The following AP3S2 variants were observed in gnomAD, a reference collection of about 807,000 sequenced individuals.
AP3S2 encodes the protein adaptor related protein complex 3 subunit sigma 2.
AP3S2 carries 22 observed loss-of-function variants against 23.4 expected under a neutral mutation model. The observed-to-expected ratio is 0.94, with a 90% confidence interval of 0.67 to 1.34. The LOEUF is 1.34. Among genes scored for constraint, AP3S2 ranks in the 40% most tolerant of loss-of-function variants. AP3S2 has a pLI of 0.00. For missense variants in AP3S2, 241 were observed against 236.9 expected (o/e 1.02, Z -0.11); for synonymous variants, 86 against 87.1 (o/e 0.99, Z 0.07).
intron 4 of AP3S2, among the ~76,000 whole-genome samples, chr15:89,863,409 GAACA>G (rs967430611): frequency 6.6e-6 from 1 of 152,124 alleles, no homozygotes; most frequent in African/African-American, 2.4e-5. Flanking sequence ...AGACACAGAA[GAACA>G]AACACTAAGG....
chr15:89,874,773 C>A (rs1258608544), intron 3 of AP3S2, among the ~76,000 whole-genome samples: 1 of 151,972 alleles, frequency 6.6e-6, no homozygotes, highest in Admixed American at 6.6e-5. Context: ...CATACCAAGA[C>A]CTTGTCTCTA....
intron 1 of AP3S2, 24 bp downstream of exon 1, chr15:89,893,857 G>A (rs1378124090): frequency 1.4e-5 from 21 of 1,551,358 alleles, no homozygotes; most frequent in Non-Finnish European, 1.7e-5. Context: ...CTGAAGGGGC[G>A]TGGTGAAGCC....
rs530979846 is a variant in AP3S2 at position 89,844,615 on chromosome 15, T to C, written c.346-6893A>G. ...CCTCCCGCCTCAGCCTTCCAAAGCA[T>C]TGGGATTACAGGTGTGAGCCAATGT... On this transcript the variant is annotated intron_variant, in intron 4 of 5. Coordinates refer to ENST00000336418, the MANE Select transcript of AP3S2 (RefSeq NM_005829.5). Among the ~76,000 whole-genome samples, 13 of 151,856 alleles carry C rather than the reference T, an allele frequency of 8.6e-5. No individual in the cohort carries two copies. In the East Asian group the frequency reaches 1.8e-3, roughly 20 times the overall value.
intron 4 of AP3S2, among the ~76,000 whole-genome samples, chr15:89,848,299 G>GA (rs1296976798): frequency 6.6e-6 from 1 of 152,216 alleles, no homozygotes; most frequent in Non-Finnish European, 1.5e-5. Flanking sequence ...CTCAAGTTTT[G>GA]AAAAAGAATT....
rs777614969 is a variant in AP3S2, at chr15:89,889,129, A to C, written c.81T>G (p.Ile27Met). The C allele has an allele frequency of 1.9e-6, 3 of 1,614,166 alleles. 1 individual carries two copies. The highest frequency in any genetic ancestry group is 2.5e-6 in the Non-Finnish European group (3 of 1,180,030). ...VRFYQRFPEEIQQQIVRETFH... is the reference protein window; with the variant it reads ...VRFYQRFPEEMQQQIVRETFH... The stretch of plus-strand genomic sequence containing the variant: ...AAGTCTCTCGAACAATCTGCTGTTG[A>C]ATTTCTTCTGGCTATGAAACAAAAA... The change falls in exon 2 of 6, where the codon ATT becomes ATG. Residue 27 changes from isoleucine to methionine, a missense_variant. By Grantham distance (10) the Ile-to-Met change is conservative (BLOSUM62 1). Transcript: ENST00000336418.
intron 4 of AP3S2, among the ~76,000 whole-genome samples, chr15:89,859,434 C>G (rs1895956810): frequency 7.9e-6 from 1 of 125,844 alleles, no homozygotes; most frequent in Non-Finnish European, 1.6e-5. Flanking sequence ...TGCTCTGTCG[C>G]CCAGGCTGGT....
intron 4 of AP3S2, chr15:89,865,400 G>A (rs1393998727): frequency 6.6e-6 from 1 of 152,036 alleles, no homozygotes; most frequent in Non-Finnish European, 1.5e-5. Context: ...TTCTCGAAGG[G>A]GAAAGAACTG....
Position 89,843,087 on chromosome 15 carries a change from C to T in AP3S2, c.346-5365G>A, listed in dbSNP as rs567298447. Among the ~76,000 whole-genome samples, 17 of 136,898 alleles carry T rather than the reference C, an allele frequency of 1.2e-4. No homozygotes were observed. The South Asian group carries it at 2.5e-3, about 20-fold the overall frequency. 89.8% of individuals were successfully genotyped at this position (136,898 alleles called of 152,430 possible). A position where few individuals can be genotyped will look rare whatever the true frequency, so the allele number is the denominator to read the frequency against. ...ACAACCTCTGCCTCCCCGGTTCAAG[C>T]GATTCTCTTGCTTCAGCCTCCTGAG... On this transcript the variant is annotated intron_variant, in intron 4 of 5. Transcript: ENST00000336418.
chr15:89,890,742 T>A (rs1896801092), intron 1 of AP3S2, among the ~76,000 whole-genome samples: 1 of 152,228 alleles, frequency 6.6e-6, no homozygotes, highest in South Asian at 2.1e-4. Flanking sequence ...CAAGTAATTT[T>A]AATCCCTTTC....
At chr15:89,880,429 G>T (rs1015010263) in intron 3 of AP3S2, among the ~76,000 whole-genome samples, 4 of 152,088 alleles carry the variant, frequency 2.6e-5, no homozygotes, top group African/African-American at 9.7e-5. Flanking sequence ...AGTGGCTCAC[G>T]CCTGTAATCC....
chr15:89,888,663 A>G, intron 2 of AP3S2, 31 bp from the exon 3 acceptor site: 1 of 1,599,396 alleles, frequency 6.3e-7, no homozygotes, highest in Non-Finnish European at 8.6e-7. Flanking sequence ...TTAAATGCCC[A>G]CAGCTTAATT....
At chr15:89,873,286 CTT>C (rs71461825) in intron 3 of AP3S2, among the ~76,000 whole-genome samples, 22 of 134,496 alleles carry the variant, frequency 1.6e-4, no homozygotes, top group Admixed American at 1.5e-4. Flanking sequence ...TGTCTGTCTT[CTT>C]TTTTTTTTTT....
intron 4 of AP3S2, among the ~76,000 whole-genome samples, chr15:89,858,930 A>G (rs1295112142): frequency 6.6e-6 from 1 of 152,232 alleles, no homozygotes; most frequent in African/African-American, 2.4e-5. Context: ...GCACTGAGGC[A>G]ATCCAAAGTT....
At chr15:89,866,487 CTTT>C in intron 4 of AP3S2, among the ~76,000 whole-genome samples, 1 of 138,236 alleles carries the variant, frequency 7.2e-6, no homozygotes, top group African/African-American at 2.6e-5. Context: ...AGACAACTTC[CTTT>C]TTTTTTTTTT....
intron 4 of AP3S2, 177 bp from the exon 5 acceptor site, chr15:89,837,899 G>A (rs545325141): frequency 1.6e-6 from 1 of 623,228 alleles, no homozygotes. Flanking sequence ...CCAGGTCTTG[G>A]CACATGGCAA....
chr15:89,851,802 AT>A (rs145945462), intron 4 of AP3S2, among the ~76,000 whole-genome samples: 129 of 148,958 alleles, frequency 8.7e-4, no homozygotes, highest in Middle Eastern at 3.5e-3. Context: ...CCGTGAAATC[AT>A]TTTTTTTTTT....
intron 3 of AP3S2, among the ~76,000 whole-genome samples, chr15:89,884,299 T>C (rs1896641864): frequency 6.6e-6 from 1 of 152,176 alleles, no homozygotes; most frequent in Non-Finnish European, 1.5e-5. Context: ...ACTTGCATTC[T>C]TGGGATAAAT....
chr15:89,872,125 A>G (rs1024266962), intron 3 of AP3S2, among the ~76,000 whole-genome samples: 10 of 151,730 alleles, frequency 6.6e-5, no homozygotes, highest in Non-Finnish European at 1.0e-4. Context: ...TCAAAAAAAA[A>G]AAAAGAAAAA....
At chr15:89,882,366 C>CT (rs781506231) in intron 3 of AP3S2, among the ~76,000 whole-genome samples, 8,582 of 142,596 alleles carry the variant, frequency 0.06, 449 homozygotes, top group East Asian at 0.28. Context: ...TTGACCTACT[C>CT]TTTTTTTTTT....
Sources: gnomAD v4.1 joint callset for allele counts (sites outside exome capture counted in the v4.1 genomes callset) on GRCh38, gnomAD v4.1.1 for gene constraint, MANE v1.5 for transcripts, NCBI Gene and HGNC (gene_info 2026-07-23, HGNC 2026-07-21) for gene names.